MYH11: variants seen among roughly 807,000 people sequenced by gnomAD.
MYH11 encodes myosin-11.
Under a neutral mutation model 246.6 loss-of-function variants are expected in MYH11, and 80 were observed. That is an observed-to-expected ratio of 0.32 (90% CI 0.27 to 0.39). The LOEUF (loss-of-function observed/expected upper bound fraction) is 0.39, where lower values mean the gene tolerates loss of function less well. Ranked by LOEUF, MYH11 falls within the 10% of genes least tolerant of loss-of-function variation. The probability of loss-of-function intolerance (pLI) is 1.00; values close to 1 mark genes in which losing one functional copy is unlikely to be tolerated. For synonymous variants in MYH11, 1,071 were observed against 1,015.5 expected, an observed-to-expected ratio of 1.05 and a Z score of -1.04; for missense variants, 2,158 against 2,546.8, an observed-to-expected ratio of 0.85 and a Z score of 3.29.
chr16:15,710,531 TAAAAA>T (rs553370789), intron 40 of MYH11, among the ~76,000 whole-genome samples: 2,473 of 151,338 alleles, frequency 0.016, 68 homozygotes, highest in African/African-American at 0.056. Flanking sequence ...AAATAAATAA[TAAAAA>T]GAAAAGAAAT....
At chr16:15,745,074 A>C (rs1435492477) in intron 20 of MYH11, 55 bp downstream of exon 20, 1 of 1,326,208 alleles carries the variant, frequency 7.5e-7, no homozygotes, top group Non-Finnish European at 1.1e-6. Flanking sequence ...AAGGCTCCAG[A>C]GTGAAGAAGC....
chr16:15,745,180 G>A lies in MYH11; in HGVS notation c.2469C>T (p.Cys823=), dbSNP rs749478973. ...LTAMKVIQRN[C]AAYLKLRNWQ... is the part of the protein sequence containing the mutation. ...AGTTCCGCAGCTTGAGGTAGGCGGC[G>A]CAGTTCCTCTGAATCACCTTCATGG... is the stretch of plus-strand genomic sequence containing the variant. The change falls in exon 20 of 41, where the codon TGC becomes TGT. Residue 823 remains cysteine (C), a synonymous_variant. Transcript: ENST00000300036. 58 of 1,613,994 alleles carry A rather than the reference G, an allele frequency of 3.6e-5. No homozygotes were observed. Among genetic ancestry groups the A allele is most frequent in the Middle Eastern group, 1.6e-4 (1 of 6,084 alleles).
intron 7 of MYH11, 36 bp downstream of exon 7, chr16:15,778,744 G>T: frequency 1.2e-6 from 2 of 1,603,432 alleles, no homozygotes; most frequent in Non-Finnish European, 1.7e-6. Context: ...TAGGGGGCAG[G>T]GGTACCCATT....
Position 15,703,895 on chromosome 16 carries a change from G to T in MYH11, c.*96C>A. The stretch of plus-strand genomic sequence containing the variant: ...TAGACAATGCTAAGTACAGTCTGCT[G>T]GGTTTTGCTTTGTTCTGGGTTGTTG... On this transcript the variant is annotated 3_prime_UTR_variant, in exon 41 of 41. Coordinates refer to ENST00000300036, the MANE Select transcript of MYH11 (RefSeq NM_002474.3). The T allele has an allele frequency of 6.6e-7, 1 of 1,506,790 alleles. No homozygotes were observed. The highest frequency in any genetic ancestry group is 9.2e-7 in the Non-Finnish European group (1 of 1,085,792). 93.3% of individuals were successfully genotyped at this position (1,506,790 alleles called of 1,614,324 possible).
chr16:15,709,492 T>A (rs2039659888), intron 40 of MYH11, among the ~76,000 whole-genome samples: 4 of 152,106 alleles, frequency 2.6e-5, no homozygotes, highest in Non-Finnish European at 5.9e-5. Context: ...TTTTCATATT[T>A]TTAGTAGAGA....
At position 15,771,732 on chromosome 16, in the gene MYH11, G is replaced by A. The variant is rs552410467; in HGVS notation, c.890-20C>T. 6 of 1,614,058 alleles carry A rather than the reference G, an allele frequency of 3.7e-6. No individual in the cohort carries two copies. In the South Asian group the frequency reaches 5.5e-5, roughly 15 times the overall value. The stretch of plus-strand genomic sequence containing the variant: ...AGTCACCTAGAAGGAGAGGAAGACA[G>A]GTCAGGGTCAATAAGACATACTTCT... On this transcript the variant is annotated intron_variant, in intron 8 of 40. Coordinates refer to ENST00000300036, the MANE Select transcript of MYH11 (RefSeq NM_002474.3).
intron 4 of MYH11, among the ~76,000 whole-genome samples, chr16:15,796,447 C>G (rs1432221932): frequency 6.6e-6 from 1 of 152,218 alleles, no homozygotes; most frequent in African/African-American, 2.4e-5. Context: ...AGGAAGCCAT[C>G]TGAAAGTCCT....
At position 15,750,176 on chromosome 16, in the gene MYH11, T is replaced by G; in HGVS notation, c.2020A>C (p.Asn674His). ...TTGGGGATGATGCAGCGCACGAAGT[T>G]GGGCGTGGTGTTGCGTAGCGTGGTC... is the stretch of plus-strand genomic sequence containing the variant. ...LMTTLRNTTP[N>H]FVRCIIPNHE... The change falls in exon 16 of 41, where the codon AAC (asparagine) becomes CAC (histidine). Residue 674 changes from asparagine (N) to histidine (H), a missense_variant. Asn to His is a moderately conservative substitution (Grantham distance 68). Coordinates refer to ENST00000300036, the MANE Select transcript of MYH11 (RefSeq NM_002474.3). This position sits in a 1 kb window ranked among gnomAD's most constrained non-coding sequence, Gnocchi z 4.3. 6.2e-7 allele frequency: 1 copy of G among 1,614,212 alleles called. No individual in the cohort carries two copies. Among genetic ancestry groups the G allele is most frequent in the South Asian group, 1.1e-5 (1 of 91,084 alleles).
At chr16:15,737,390 G>A (rs1372811285) in intron 25 of MYH11, 59 bp downstream of exon 25, 6 of 1,599,222 alleles carry the variant, frequency 3.8e-6, no homozygotes, top group Non-Finnish European at 4.2e-6. Flanking sequence ...ATGAGCGAAT[G>A]AGCAGGGGCC....
At chr16:15,704,703 G>C (rs2039355070) in intron 40 of MYH11, among the ~76,000 whole-genome samples, 1 of 150,920 alleles carries the variant, frequency 6.6e-6, no homozygotes, top group Non-Finnish European at 1.5e-5. Flanking sequence ...CCCCCTGCTG[G>C]TGTGAATGTT....
intron 6 of MYH11, among the ~76,000 whole-genome samples, chr16:15,781,968 C>T (rs1383198616): frequency 6.6e-6 from 1 of 152,106 alleles, no homozygotes; most frequent in African/African-American, 2.4e-5. Flanking sequence ...AGTTGGCACT[C>T]AATTCATGTT....
chr16:15,763,741 T>TCCGCCCCCC, intron 10 of MYH11, 55 bp downstream of exon 10: 4 of 646,842 alleles, frequency 6.2e-6, no homozygotes, highest in Non-Finnish European at 8.7e-6. Flanking sequence ...AAATGTCACC[T>TCCGCCCCCC]CCCCCACCCC....
intron 16 of MYH11, among the ~76,000 whole-genome samples, chr16:15,748,461 C>A (rs1405935842): frequency 6.6e-6 from 1 of 152,174 alleles, no homozygotes; most frequent in Non-Finnish European, 1.5e-5. Context: ...CACTTCCTGT[C>A]CATCAGCAGT....
In MYH11 at chr16:15,715,203, C is replaced by T. The variant is rs758553530; in HGVS notation, c.5574G>A (p.Val1858=). 6.8e-6 allele frequency: 11 copies of T among 1,613,970 alleles called. No individual in the cohort carries two copies. The highest frequency in any genetic ancestry group is 9.3e-6 in the Non-Finnish European group (11 of 1,180,050). Residue 1858 remains valine, a synonymous_variant, in exon 39 of 41, where the codon GTG becomes GTA. Coordinates refer to ENST00000300036, the MANE Select transcript of MYH11 (RefSeq NM_002474.3). ...GCTCGGCCATCTTGCGCTCGTCCTC[C>T]ACCTGCAGCAAGATTTCCTTCAGCT... ...DKKLKEILLQ[V]EDERKMAEQY...
intron 9 of MYH11, among the ~76,000 whole-genome samples, chr16:15,767,106 A>G (rs1026021124): frequency 6.6e-5 from 10 of 152,024 alleles, no homozygotes; most frequent in African/African-American, 9.7e-5. Context: ...GTATAAATGT[A>G]TAGAGGATGG....
chr16:15,798,785 T>G, intron 3 of MYH11, 98 bp from the exon 4 acceptor site: 1 of 1,262,172 alleles, frequency 7.9e-7, no homozygotes, highest in Non-Finnish European at 1.1e-6. Flanking sequence ...ATTCTAAAGC[T>G]TCTCCATGCT....
Position 15,784,205 on chromosome 16 carries a change from G to T in MYH11, c.634-1728C>A, listed in dbSNP as rs1020598428. 2.0e-5 allele frequency among the ~76,000 whole-genome samples: 3 copies of T among 152,104 alleles called. No homozygotes were observed. The East Asian group carries it at 5.8e-4, about 29-fold the overall frequency. On this transcript the variant is annotated intron_variant, in intron 5 of 40. Transcript: ENST00000300036. ...CACACGCATGCACAGGGACACACTG[G>T]TGCACCAGGGACAGGGCTGAGGGAA...
chr16:15,846,212 A>G (rs946656369), intron 1 of MYH11, among the ~76,000 whole-genome samples: 1 of 152,156 alleles, frequency 6.6e-6, no homozygotes, highest in Non-Finnish European at 1.5e-5. Context: ...TAAAGGAATC[A>G]ATCCTGTAAG....
chr16:15,772,785 T>G (rs921326037), intron 8 of MYH11, among the ~76,000 whole-genome samples: 2 of 152,164 alleles, frequency 1.3e-5, no homozygotes, highest in Non-Finnish European at 2.9e-5. Context: ...GCCCATCGCT[T>G]GCATCACTGT....
Sources: gnomAD v4.1 joint callset for allele counts (sites outside exome capture counted in the v4.1 genomes callset) on GRCh38, gnomAD v4.1.1 for gene constraint, Gnocchi (gnomAD v3.1) non-coding constraint, MANE v1.5 for transcripts, NCBI Gene and HGNC (gene_info 2026-07-23, HGNC 2026-07-21) for gene names.